The following PCDH15 variants were observed in gnomAD, a reference collection of about 807,000 sequenced individuals.
The protein encoded by PCDH15 is protocadherin related 15, also known as protocadherin-15.
Under a neutral mutation model 178.5 loss-of-function variants are expected in PCDH15, and 129 were observed. The ratio of observed to expected loss-of-function variants is 0.72; its 90% CI spans 0.63 to 0.84. The LOEUF (loss-of-function observed/expected upper bound fraction) is 0.84, where lower values mean the gene tolerates loss of function less well. Among genes scored for constraint, PCDH15 ranks in the 40% least tolerant of loss-of-function variants. The pLI is 0.00. For synonymous variants in PCDH15, 800 were observed against 732.0 expected (o/e 1.09, Z -1.50); for missense variants, 2,230 against 2,099.9 (o/e 1.06, Z -1.21).
chr10:54,515,086 G>A (rs931182415), intron 3 of PCDH15, among the ~76,000 whole-genome samples: 5 of 152,196 alleles, frequency 3.3e-5, no homozygotes, highest in African/African-American at 1.2e-4. Flanking sequence ...TTCCATCTGA[G>A]GTACCGGGTT....
intron 32 of PCDH15, 92 bp from the exon 33 acceptor site, chr10:53,820,322 A>AGAT (rs544709306): frequency 2.5e-5 from 10 of 394,814 alleles, no homozygotes; most frequent in Admixed American, 4.4e-5. Flanking sequence ...ATTTTGAAGC[A>AGAT]GATGGGCTAA....
intron 3 of PCDH15, among the ~76,000 whole-genome samples, chr10:54,507,529 C>T (rs1197966226): frequency 6.6e-6 from 1 of 151,786 alleles, no homozygotes; most frequent in Non-Finnish European, 1.5e-5. Flanking sequence ...AAACCTCTGA[C>T]AACACTTGCA....
chr10:54,327,005 T>C (rs1159071746), intron 7 of PCDH15, among the ~76,000 whole-genome samples: 2 of 152,128 alleles, frequency 1.3e-5, no homozygotes, highest in African/African-American at 2.4e-5. Flanking sequence ...GATTCACATA[T>C]GTACTTCTGT....
chr10:55,149,910 A>T (rs1838650390), intron 2 of PCDH15, among the ~76,000 whole-genome samples: 1 of 151,996 alleles, frequency 6.6e-6, no homozygotes, highest in Admixed American at 6.6e-5. Flanking sequence ...TACAATTATT[A>T]AACACTGAGG....
intron 6 of PCDH15, among the ~76,000 whole-genome samples, chr10:54,344,904 C>CCAAAAAAAAAAA (rs58908008): frequency 3.8e-5 from 3 of 78,888 alleles, no homozygotes; most frequent in Admixed American, 1.6e-4. Flanking sequence ...AGAAACAAAG[C>CCAAAAAAAAAAA]AAAAAAAAAA....
At chr10:54,336,388 T>C (rs1941130681) in intron 6 of PCDH15, among the ~76,000 whole-genome samples, 1 of 152,086 alleles carries the variant, frequency 6.6e-6, no homozygotes, top group Admixed American at 6.6e-5. Flanking sequence ...GCCCCTCCCA[T>C]CATAGGCCAG....
At chr10:54,129,697 T>A (rs1400838775) in intron 15 of PCDH15, among the ~76,000 whole-genome samples, 2 of 152,178 alleles carry the variant, frequency 1.3e-5, no homozygotes, top group Non-Finnish European at 2.9e-5. Context: ...AACAGGGGAC[T>A]GGTTCCAGAC....
At chr10:55,226,061 C>T (rs139538732) in intron 1 of PCDH15, among the ~76,000 whole-genome samples, 1 of 152,138 alleles carries the variant, frequency 6.6e-6, no homozygotes, top group African/African-American at 2.4e-5. Context: ...ATTTCAGCAG[C>T]CCAAGAGAAA....
At chr10:54,779,933 T>C (rs1459231242) in intron 1 of PCDH15, among the ~76,000 whole-genome samples, 2 of 152,146 alleles carry the variant, frequency 1.3e-5, no homozygotes, top group Non-Finnish European at 2.9e-5. Context: ...ACTATTGGTT[T>C]ATGTTCATGC....
intron 1 of PCDH15, among the ~76,000 whole-genome samples, chr10:54,690,685 C>T (rs1192483951): frequency 1.3e-5 from 2 of 152,074 alleles, no homozygotes; most frequent in African/African-American, 4.8e-5. Flanking sequence ...TTGAATTTTG[C>T]ATTTTAAGCT....
chr10:54,384,287 C>T (rs1949652647), intron 3 of PCDH15, among the ~76,000 whole-genome samples: 1 of 150,404 alleles, frequency 6.6e-6, no homozygotes, highest in South Asian at 2.1e-4. Flanking sequence ...CATTCCCTAA[C>T]CAAACAATTA....
intron 13 of PCDH15, among the ~76,000 whole-genome samples, chr10:54,168,506 C>T (rs1205415654): frequency 1.3e-5 from 2 of 152,148 alleles, no homozygotes; most frequent in African/African-American, 2.4e-5. Flanking sequence ...ATCTTTTTAT[C>T]GCCTCCCCTC....
rs1377173203 is a variant in PCDH15 at position 54,640,474 on chromosome 10, G to C, written c.91+23698C>G. Among the ~76,000 whole-genome samples, 3 of 151,760 alleles carry C rather than the reference G, an allele frequency of 2.0e-5. No homozygotes were observed. The South Asian group carries it at 6.2e-4, about 32-fold the overall frequency. On this transcript the variant is annotated intron_variant, in intron 2 of 37. Coordinates refer to ENST00000644397, the MANE Select transcript of PCDH15 (RefSeq NM_001384140.1). ...TAATAAAATTCCTAAATGTTTTACTGAACAATGATTTTTTTCCTTGATGTT... is the reference window on the plus strand; with the variant it reads ...TAATAAAATTCCTAAATGTTTTACTCAACAATGATTTTTTTCCTTGATGTT...
At chr10:53,903,863 A>G (rs1413461238) in intron 25 of PCDH15, among the ~76,000 whole-genome samples, 1 of 152,194 alleles carries the variant, frequency 6.6e-6, no homozygotes, top group Non-Finnish European at 1.5e-5. Flanking sequence ...ACTAAAAGTA[A>G]CAGTGTTCGG....
intron 2 of PCDH15, among the ~76,000 whole-genome samples, chr10:55,502,015 C>T (rs1840667901): frequency 6.6e-6 from 1 of 151,528 alleles, no homozygotes; most frequent in African/African-American, 2.4e-5. Context: ...ACTTGCAGGT[C>T]TTTGTAACTA....
intron 2 of PCDH15, among the ~76,000 whole-genome samples, chr10:55,582,685 G>A (rs1446368571): frequency 2.1e-5 from 3 of 140,256 alleles, no homozygotes; most frequent in African/African-American, 8.0e-5. Context: ...GGGAACCACA[G>A]GTCAGCCAAC....
intron 25 of PCDH15, among the ~76,000 whole-genome samples, chr10:53,929,627 G>A (rs1169354301): frequency 1.3e-5 from 2 of 152,098 alleles, no homozygotes; most frequent in Non-Finnish European, 2.9e-5. Context: ...AGCATTATTT[G>A]TCACAGACCT....
chr10:54,898,391 A>T (rs891154779), intron 2 of PCDH15, among the ~76,000 whole-genome samples: 9 of 152,158 alleles, frequency 5.9e-5, no homozygotes, highest in African/African-American at 2.2e-4. Flanking sequence ...TTATTTTCAT[A>T]TCTTGAAAAA....
chr10:54,909,755 G>C (rs1269467952), intron 2 of PCDH15, among the ~76,000 whole-genome samples: 1 of 152,044 alleles, frequency 6.6e-6, no homozygotes, highest in African/African-American at 2.4e-5. Context: ...GTTGCTCCTG[G>C]GGAGCAGACA....
Sources: allele counts gnomAD v4.1 joint callset (sites outside exome capture counted in the v4.1 genomes callset), GRCh38; gene constraint gnomAD v4.1.1; transcripts MANE v1.5; gene names NCBI Gene and HGNC (gene_info 2026-07-23, HGNC 2026-07-21).